Variants in PRKACB observed in about 807,000 individuals in gnomAD.
The protein encoded by PRKACB is protein kinase cAMP-activated catalytic subunit beta.
A neutral mutation model predicts 51.4 loss-of-function variants in PRKACB; 16 were observed. The observed-to-expected ratio is 0.31, with a 90% confidence interval of 0.21 to 0.47. The LOEUF is 0.47. Ranked by LOEUF, PRKACB falls within the 20% of genes least tolerant of loss-of-function variation. The pLI is 1.00. For synonymous variants in PRKACB, 147 were observed against 154.4 expected, an observed-to-expected ratio of 0.95 and a Z score of 0.35; for missense variants, 309 against 464.5, an observed-to-expected ratio of 0.67 and a Z score of 3.08.
At chr1:84,134,145 C>A (rs1257455806) in intron 1 of PRKACB, among the ~76,000 whole-genome samples, 1 of 152,158 alleles carries the variant, frequency 6.6e-6, no homozygotes, top group Non-Finnish European at 1.5e-5. Flanking sequence ...CTGCTTCTCT[C>A]CAACGTTCAG....
intron 9 of PRKACB, among the ~76,000 whole-genome samples, chr1:84,223,988 T>G (rs374565880): frequency 5.9e-5 from 9 of 152,192 alleles, no homozygotes; most frequent in East Asian, 5.8e-4. Context: ...GGGTAAGACT[T>G]TTTTCTGTGG....
chr1:84,206,746 C>G (rs1671400166), intron 8 of PRKACB, among the ~76,000 whole-genome samples: 1 of 152,148 alleles, frequency 6.6e-6, no homozygotes. Context: ...TTTGTACCAA[C>G]AGTGTAGGCA....
intron 1 of PRKACB, among the ~76,000 whole-genome samples, chr1:84,093,011 C>A (rs1354967974): frequency 2.0e-5 from 3 of 151,788 alleles, no homozygotes; most frequent in Non-Finnish European, 4.4e-5. Flanking sequence ...GTATGTACTA[C>A]AAATGTCTTC....
chr1:84,200,879 A>G (rs1004932667), intron 7 of PRKACB, among the ~76,000 whole-genome samples: 5 of 152,234 alleles, frequency 3.3e-5, no homozygotes, highest in Middle Eastern at 6.8e-3. Flanking sequence ...TCACTTTTAT[A>G]ATAACAAGCA....
intron 5 of PRKACB, among the ~76,000 whole-genome samples, chr1:84,187,786 A>G (rs1665613758): frequency 1.3e-5 from 2 of 152,098 alleles, no homozygotes; most frequent in South Asian, 4.1e-4. Context: ...TTACATAGGA[A>G]TCTTGGATTT....
upstream of PRKACB, among the ~76,000 whole-genome samples, chr1:84,142,970 A>G (rs1219234887): frequency 6.6e-6 from 1 of 152,114 alleles, no homozygotes; most frequent in Non-Finnish European, 1.5e-5. Flanking sequence ...TGTTTTAGAT[A>G]GACCTTTTTC....
At chr1:84,227,417 T>A (rs866420882) in intron 9 of PRKACB, among the ~76,000 whole-genome samples, 7 of 152,278 alleles carry the variant, frequency 4.6e-5, no homozygotes, top group South Asian at 4.1e-4. Flanking sequence ...ATTCTTTAGA[T>A]TGCCTTGAGG....
chr1:84,187,325 G>A (rs951107444), intron 5 of PRKACB, among the ~76,000 whole-genome samples: 1 of 152,164 alleles, frequency 6.6e-6, no homozygotes, highest in African/African-American at 2.4e-5. Context: ...TACTGATTGT[G>A]AATTTTAAAT....
chr1:84,105,310 C>T (rs911778938), intron 1 of PRKACB, among the ~76,000 whole-genome samples: 2 of 152,042 alleles, frequency 1.3e-5, no homozygotes, highest in South Asian at 2.1e-4. Context: ...TCATTTCCAC[C>T]CCCTTGTTAT....
Position 84,236,640 on chromosome 1 carries a change from T to C in PRKACB, c.*1335T>C, listed in dbSNP as rs1043602055. 3.3e-5 allele frequency: 5 copies of C among 152,648 alleles called. No homozygotes were observed. Among genetic ancestry groups the C allele is most frequent in the Non-Finnish European group, 7.4e-5 (5 of 68,020 alleles). The allele number at this position is 152,648 out of a possible 1,614,324, so 9.5% of individuals were successfully genotyped here. On this transcript the variant is annotated 3_prime_UTR_variant, in exon 10 of 10. Transcript: ENST00000370685. ...ACAATGTTGGTATTTGAGAGGTTAG[T>C]TTTTTTCCTACACTTTTTTTTGCCA... is the stretch of plus-strand genomic sequence containing the variant.
chr1:84,215,679 A>G (rs778772544), intron 9 of PRKACB, among the ~76,000 whole-genome samples: 2 of 152,162 alleles, frequency 1.3e-5, no homozygotes, highest in Non-Finnish European at 2.9e-5. Flanking sequence ...TTGCTACACA[A>G]GTTGCCAGTA....
chr1:84,134,260 T>G (rs1310718130), intron 1 of PRKACB, among the ~76,000 whole-genome samples: 5 of 152,118 alleles, frequency 3.3e-5, no homozygotes, highest in Admixed American at 6.6e-5. Context: ...ATGGGTGGTT[T>G]TGGAAAAGGC....
At chr1:84,097,463 G>T (rs1424029170) in intron 1 of PRKACB, among the ~76,000 whole-genome samples, 2 of 151,996 alleles carry the variant, frequency 1.3e-5, no homozygotes, top group Admixed American at 6.6e-5. Flanking sequence ...CCATTTTGGT[G>T]TGTGTATTAA....
intron 1 of PRKACB, among the ~76,000 whole-genome samples, chr1:84,081,632 A>G (rs1647538445): frequency 6.6e-6 from 1 of 152,142 alleles, no homozygotes; most frequent in South Asian, 2.1e-4. Context: ...TGTTTTACTT[A>G]TCCAGTCTCT....
Position 84,179,162 on chromosome 1 carries a change from T to A in PRKACB, c.188-15T>A. 1 of 1,579,144 alleles carries A rather than the reference T, an allele frequency of 6.3e-7. No individual in the cohort carries two copies. On this transcript the variant is annotated splice_polypyrimidine_tract_variant and intron_variant, in intron 1 of 9. Coordinates refer to ENST00000370685, the MANE Select transcript of PRKACB (RefSeq NM_182948.4). ...TTCTTACAAGATAAATTTGTTTTTATATGTATATTTTCAGTGAAAGAGTTT... is the reference window on the plus strand; with the variant it reads ...TTCTTACAAGATAAATTTGTTTTTAAATGTATATTTTCAGTGAAAGAGTTT...
chr1:84,232,975 T>G (rs1208153783), intron 9 of PRKACB, among the ~76,000 whole-genome samples: 2 of 152,090 alleles, frequency 1.3e-5, no homozygotes, highest in Non-Finnish European at 2.9e-5. Flanking sequence ...GCTTGTTATT[T>G]TGCTCGTTAG....
chr1:84,141,625 G>C (rs1468390630), upstream of PRKACB, among the ~76,000 whole-genome samples: 2 of 151,836 alleles, frequency 1.3e-5, no homozygotes, highest in African/African-American at 4.8e-5. Context: ...TAGTAATTTT[G>C]TTTTAAAGCT....
At chr1:84,084,562 T>C (rs1647812531) in intron 1 of PRKACB, among the ~76,000 whole-genome samples, 1 of 146,308 alleles carries the variant, frequency 6.8e-6, no homozygotes, top group African/African-American at 2.5e-5. Context: ...CTATGATAAT[T>C]TGGGTGAGGG....
At chr1:84,194,419 A>G (rs1278272750) in intron 5 of PRKACB, among the ~76,000 whole-genome samples, 1 of 152,162 alleles carries the variant, frequency 6.6e-6, no homozygotes, top group East Asian at 1.9e-4. Context: ...CCATCTTAGA[A>G]GTTTTGAGGC....
Sources: gnomAD v4.1 joint callset for allele counts (sites outside exome capture counted in the v4.1 genomes callset) on GRCh38, gnomAD v4.1.1 for gene constraint, MANE v1.5 for transcripts, NCBI Gene and HGNC (gene_info 2026-07-23, HGNC 2026-07-21) for gene names.